MAP3K4: variants seen among roughly 807,000 people sequenced by gnomAD.
The protein encoded by MAP3K4 is mitogen-activated protein kinase kinase kinase 4.
Under a neutral mutation model 185.6 loss-of-function variants are expected in MAP3K4, and 67 were observed. The ratio of observed to expected loss-of-function variants is 0.36; its 90% CI spans 0.30 to 0.44. MAP3K4 has a LOEUF of 0.44. MAP3K4 is among the 20% of genes least tolerant of loss of function. MAP3K4 has a pLI of 1.00. For synonymous variants in MAP3K4, 702 were observed against 710.4 expected, an observed-to-expected ratio of 0.99 and a Z score of 0.19; for missense variants, 1,551 against 1,995.1, an observed-to-expected ratio of 0.78 and a Z score of 4.24.
rs1784126378 is a variant in MAP3K4, at chr6:161,054,034, C to T, written c.1707+4055C>T. On this transcript the variant is annotated intron_variant, in intron 3 of 26. Coordinates refer to ENST00000392142, the MANE Select transcript of MAP3K4 (RefSeq NM_005922.4). This position sits in a 1 kb window ranked among gnomAD's most constrained non-coding sequence, Gnocchi z 4.2. ...AGGATTTTGTAGAAAAGAAGAAATA[C>T]ACGTGATGTTTGATTTTTCTTATCT... is the stretch of plus-strand genomic sequence containing the variant. 1.3e-5 allele frequency among the ~76,000 whole-genome samples: 2 copies of T among 152,180 alleles called. No homozygotes were observed. The highest frequency in any genetic ancestry group is 1.3e-4 in the Admixed American group (2 of 15,272).
chr6:161,087,676 T>G lies in MAP3K4; in HGVS notation c.2557-12T>G. The G allele has an allele frequency of 6.2e-7, 1 of 1,613,532 alleles. No individual in the cohort carries two copies. Among genetic ancestry groups the G allele is most frequent in the Non-Finnish European group, 8.5e-7 (1 of 1,179,894 alleles). On this transcript the variant is annotated splice_polypyrimidine_tract_variant and intron_variant, in intron 9 of 26. Transcript: ENST00000392142. The surrounding 1 kb of genome is among the most constrained non-coding windows in gnomAD (Gnocchi z 4.9). ...CAGTGTTCCTTAAGATTTTGGATTA[T>G]GTCTTTTGCAGGTGCAAATTCCTGG... is the stretch of plus-strand genomic sequence containing the variant.
chr6:160,996,615 T>A lies in MAP3K4; in HGVS notation c.152+4532T>A, dbSNP rs1781007770. ...TTAACGTTGCCTATCAGTAGGCTAC[T>A]GGTAGTGGTTTCTTTAAAGAGAAAA... On this transcript the variant is annotated intron_variant, in intron 1 of 26. Transcript: ENST00000392142. The surrounding 1 kb of genome is among the most constrained non-coding windows in gnomAD (Gnocchi z 4.5). Among the ~76,000 whole-genome samples, 1 of 152,210 alleles carries A rather than the reference T, an allele frequency of 6.6e-6. No individual in the cohort carries two copies. The highest frequency in any genetic ancestry group is 6.5e-5 in the Admixed American group (1 of 15,286).
rs1352493742 is a variant in MAP3K4, at chr6:161,112,717, G to A, written c.4569G>A (p.Gly1523=). ...VITRAKGEGH[G]RAADIWSLGC... is the part of the protein sequence containing the mutation. The stretch of plus-strand genomic sequence containing the variant: ...CTCGTGCCAAAGGAGAGGGCCATGG[G>A]CGTGCGGCCGACATCTGGAGTCTGG... The change falls in exon 25 of 27, where the codon GGG becomes GGA. Residue 1523 remains glycine (G), a synonymous_variant. Transcript: ENST00000392142. This position sits in a 1 kb window ranked among gnomAD's most constrained non-coding sequence, Gnocchi z 5.1. 2 of 1,608,726 alleles carry A rather than the reference G, an allele frequency of 1.2e-6. No homozygotes were observed. The highest frequency in any genetic ancestry group is 1.7e-6 in the Non-Finnish European group (2 of 1,178,130).
chr6:161,111,308 A>G (rs1218699237), intron 23 of MAP3K4, among the ~76,000 whole-genome samples: 1 of 152,242 alleles, frequency 6.6e-6, no homozygotes, highest in African/African-American at 2.4e-5. Flanking sequence ...CAGTATTCCC[A>G]AATTCTAACT....
rs541836654 is a variant in MAP3K4, at chr6:161,089,660, G to C, written c.2973+189G>C. ...TTCTGAGATTCTTCCTGAAGCTGTA[G>C]AACTTTATAATTGGAAAGGATAGAG... is the stretch of plus-strand genomic sequence containing the variant. On this transcript the variant is annotated intron_variant, in intron 11 of 26. Transcript: ENST00000392142. Among the ~76,000 whole-genome samples, 15 of 152,228 alleles carry C rather than the reference G, an allele frequency of 9.9e-5. No homozygotes were observed. The Middle Eastern group carries it at 0.01, about 104-fold the overall frequency.
At chr6:161,020,259 ACTTTT>A (rs905727498) in intron 1 of MAP3K4, among the ~76,000 whole-genome samples, 27 of 145,712 alleles carry the variant, frequency 1.9e-4, no homozygotes, top group African/African-American at 4.6e-4. Context: ...AAAACTATGG[ACTTTT>A]CTTTGTTTGT....
At chr6:161,023,597 T>C (rs1199539558) in intron 1 of MAP3K4, among the ~76,000 whole-genome samples, 1 of 152,220 alleles carries the variant, frequency 6.6e-6, no homozygotes, top group Non-Finnish European at 1.5e-5. Flanking sequence ...CTATGATGAT[T>C]GTTACAATAA....
rs138236425 is a variant in MAP3K4 at position 161,073,828 on chromosome 6, G to A, written c.2097+216G>A. Among the ~76,000 whole-genome samples, 18 of 152,208 alleles carry A rather than the reference G, an allele frequency of 1.2e-4. No homozygotes were observed. Among genetic ancestry groups the A allele is most frequent in the African/African-American group, 4.3e-4 (18 of 41,524 alleles). On this transcript the variant is annotated intron_variant, in intron 5 of 26. Transcript: ENST00000392142. The surrounding 1 kb of genome is among the most constrained non-coding windows in gnomAD (Gnocchi z 4.2). ...TCTTGAATCAGAGTCTTTCCATCTG[G>A]TATTAGATTACATTTGTTTCTCTGA... is the stretch of plus-strand genomic sequence containing the variant.
In MAP3K4 at chr6:161,008,752, A is replaced by G. The variant is rs111900819; in HGVS notation, c.152+16669A>G. On this transcript the variant is annotated intron_variant, in intron 1 of 26. Transcript: ENST00000392142. The surrounding 1 kb of genome is among the most constrained non-coding windows in gnomAD (Gnocchi z 4.1). The stretch of plus-strand genomic sequence containing the variant: ...TCTCTTCCTACTTCTTGCACACACT[A>G]CCCTTTCTTTCCTCATTATCCTGAC... Among the ~76,000 whole-genome samples, 3 of 152,038 alleles carry G rather than the reference A, an allele frequency of 2.0e-5. No homozygotes were observed. Among genetic ancestry groups the G allele is most frequent in the African/African-American group, 7.2e-5 (3 of 41,408 alleles).
At chr6:161,085,007 C>T (rs1035234715) in intron 7 of MAP3K4, among the ~76,000 whole-genome samples, 23 of 152,004 alleles carry the variant, frequency 1.5e-4, no homozygotes, top group African/African-American at 4.8e-4. Flanking sequence ...AACAGCTGGG[C>T]GTGGTGGCAC....
chr6:161,061,331 A>T lies in MAP3K4; in HGVS notation c.1708-9277A>T, dbSNP rs961962223. Among the ~76,000 whole-genome samples the T allele has an allele frequency of 1.3e-5, 2 of 152,262 alleles. No homozygotes were observed. The highest frequency in any genetic ancestry group is 4.8e-5 in the African/African-American group (2 of 41,464). On this transcript the variant is annotated intron_variant, in intron 3 of 26. Transcript: ENST00000392142. This position sits in a 1 kb window ranked among gnomAD's most constrained non-coding sequence, Gnocchi z 4.2. Reference sequence around the variant, plus strand: ...ATCCTTAGGTTATAACCCTCTGTGGATGTAACATCAGATAACTGCATTTTA... The same window carrying T: ...ATCCTTAGGTTATAACCCTCTGTGGTTGTAACATCAGATAACTGCATTTTA...
intron 1 of MAP3K4, among the ~76,000 whole-genome samples, chr6:161,002,185 C>G (rs1156343516): frequency 1.3e-5 from 2 of 150,480 alleles, no homozygotes; most frequent in East Asian, 3.9e-4. Context: ...AATCATGCTG[C>G]TAAATTAAGA....
In MAP3K4 at chr6:160,991,803, C is replaced by A. The variant is rs1279287245; in HGVS notation, c.-129C>A. ...GTCGCCGTTTCCAAGATGGCCGCGG[C>A]GCGCACGGCTCCTGCGGCGGGGTAG... On this transcript the variant is annotated 5_prime_UTR_variant, in exon 1 of 27. Coordinates refer to ENST00000392142, the MANE Select transcript of MAP3K4 (RefSeq NM_005922.4). The surrounding 1 kb of genome is among the most constrained non-coding windows in gnomAD (Gnocchi z 5.7). The A allele has an allele frequency of 4.7e-6, 5 of 1,067,416 alleles. No homozygotes were observed. In the African/African-American group the frequency reaches 5.0e-5, roughly 11 times the overall value. The allele number at this position is 1,067,416 out of a possible 1,614,324, so 66.1% of individuals were successfully genotyped here.
chr6:161,058,660 A>G (rs1784351513), intron 3 of MAP3K4, among the ~76,000 whole-genome samples: 1 of 152,130 alleles, frequency 6.6e-6, no homozygotes, highest in African/African-American at 2.4e-5. Flanking sequence ...TATGTAACAC[A>G]TGTAATTTTT....
In MAP3K4 at chr6:161,116,973, C is replaced by T; in HGVS notation, c.*103C>T. The T allele has an allele frequency of 9.0e-7, 1 of 1,111,036 alleles. No homozygotes were observed. The highest frequency in any genetic ancestry group is 1.8e-5 in the Admixed American group (1 of 56,142). The allele number at this position is 1,111,036 out of a possible 1,614,324, so 68.8% of individuals were successfully genotyped here. On this transcript the variant is annotated 3_prime_UTR_variant, in exon 27 of 27. Coordinates refer to ENST00000392142, the MANE Select transcript of MAP3K4 (RefSeq NM_005922.4). The surrounding 1 kb of genome is among the most constrained non-coding windows in gnomAD (Gnocchi z 6.2). ...AGCAGTATAAGCCTTTTTAACCTTC[C>T]AAGACTGAAGACTGCACAGGTGACA...
chr6:161,081,315 G>A (rs993441638), intron 6 of MAP3K4, among the ~76,000 whole-genome samples: 21 of 152,044 alleles, frequency 1.4e-4, no homozygotes, highest in African/African-American at 5.1e-4. Context: ...GGAGGCTGCC[G>A]CACATTCACG....
intron 2 of MAP3K4, among the ~76,000 whole-genome samples, chr6:161,046,168 G>A (rs924383327): frequency 3.3e-5 from 5 of 152,026 alleles, no homozygotes; most frequent in Non-Finnish European, 5.9e-5. Flanking sequence ...CAATGTATAT[G>A]TCATTTTGTG....
chr6:161,047,280 A>C (rs1783775535), intron 2 of MAP3K4, among the ~76,000 whole-genome samples: 1 of 17,356 alleles, frequency 5.8e-5, no homozygotes, highest in Admixed American at 1.4e-3. Context: ...GTCTCTACCC[A>C]AAAAAAAAAA....
chr6:161,025,100 T>C (rs528103656), intron 1 of MAP3K4, among the ~76,000 whole-genome samples: 1 of 152,330 alleles, frequency 6.6e-6, no homozygotes, highest in African/African-American at 2.4e-5. Flanking sequence ...ATTTGTTTTG[T>C]TGCTCAGAGT....
Sources: gnomAD v4.1 joint callset for allele counts (sites outside exome capture counted in the v4.1 genomes callset) on GRCh38, gnomAD v4.1.1 for gene constraint, Gnocchi (gnomAD v3.1) non-coding constraint, MANE v1.5 for transcripts, NCBI Gene and HGNC (gene_info 2026-07-23, HGNC 2026-07-21) for gene names.